TTN: variants seen among roughly 807,000 people sequenced by gnomAD.
The protein encoded by TTN is connectin.
A neutral mutation model predicts 3,223.0 loss-of-function variants in TTN; 1,525 were observed. The ratio of observed to expected loss-of-function variants is 0.47; its 90% CI spans 0.45 to 0.49. TTN has a LOEUF of 0.49. Among genes scored for constraint, TTN ranks in the 20% least tolerant of loss-of-function variants. The pLI is 0.00. For missense variants in TTN, 40,786 were observed against 43,424.0 expected, an observed-to-expected ratio of 0.94 and a Z score of 5.40; for synonymous variants, 14,094 against 15,161.0, an observed-to-expected ratio of 0.93 and a Z score of 5.17.
In TTN at chr2:178,757,616, C is replaced by G; in HGVS notation, c.10604G>C (p.Gly3535Ala). Residue 3535 changes from glycine (G) to alanine (A), a missense_variant, in exon 45 of 363, where the codon GGG (glycine) becomes GCG (alanine). Transcript: ENST00000589042. ...ATTGGCTGCTTTGCAAGAGTACTGC[C>G]CAGCATGCTCTGAGTAAGCATCAAC... is the stretch of plus-strand genomic sequence containing the variant. ...LIVDAYSEHA[G>A]QYSCKAANSA... 1 of 1,613,244 alleles carries G rather than the reference C, an allele frequency of 6.2e-7. No homozygotes were observed. The highest frequency in any genetic ancestry group is 1.1e-5 in the South Asian group (1 of 90,984).
At chr2:178,772,984 T>A (rs1574607622) in intron 33 of TTN, 125 bp downstream of exon 33, 3 of 1,282,686 alleles carry the variant, frequency 2.3e-6, no homozygotes, top group Non-Finnish European at 3.3e-6. Context: ...TACTATTGGC[T>A]TTGGGAACAG....
Position 178,773,840 on chromosome 2 carries a change from T to G in TTN, c.7328A>C (p.Tyr2443Ser). 1 of 1,614,092 alleles carries G rather than the reference T, an allele frequency of 6.2e-7. No homozygotes were observed. The highest frequency in any genetic ancestry group is 8.5e-7 in the Non-Finnish European group (1 of 1,179,992). ...AAAATTTTATAATTAGGACTCACTA[T>G]AGACAGAGACACGCCCACTGGTGGA... is the stretch of plus-strand genomic sequence containing the variant. The part of the protein sequence containing the change: ...GLSTSGRVSV[Y>S]SVDVITPLKD... The change falls in exon 31 of 363, where the codon TAT becomes TCT. Residue 2443 changes from tyrosine to serine, a missense_variant and splice_region_variant. Transcript: ENST00000589042.
At chr2:178,681,210 C>A in intron 137 of TTN, 39 bp from the exon 138 acceptor site, 2 of 1,541,344 alleles carry the variant, frequency 1.3e-6, no homozygotes, top group Non-Finnish European at 1.8e-6. Context: ...TTAAAACCAA[C>A]TCCTTGAATA....
At chr2:178,611,325 A>G (rs531968901) in intron 269 of TTN, 47 bp downstream of exon 269, 1 of 1,610,606 alleles carries the variant, frequency 6.2e-7, no homozygotes, top group Admixed American at 1.7e-5. Context: ...AATGCAATGC[A>G]TGAATAAAGG....
chr2:178,801,684 T>C (rs1272564472), intron 3 of TTN, among the ~76,000 whole-genome samples: 1 of 152,172 alleles, frequency 6.6e-6, no homozygotes, highest in Non-Finnish European at 1.5e-5. Context: ...AAACAAGCAT[T>C]TATTTTCTTC....
Position 178,741,504 on chromosome 2 carries a change from T to C in TTN, c.11729A>G (p.Asn3910Ser). 1 of 1,613,898 alleles carries C rather than the reference T, an allele frequency of 6.2e-7. No individual in the cohort carries two copies. Among genetic ancestry groups the C allele is most frequent in the Non-Finnish European group, 8.5e-7 (1 of 1,179,818 alleles). ...KTICSAYLKI[N>S]SKGEGHKDTE... ...GTCTTTGTGACCCTCTCCTTTGGAA[T>C]TAATTTTTAGATAGGCACTACATAT... is the stretch of plus-strand genomic sequence containing the variant. The change falls in exon 48 of 363, where the codon AAT becomes AGT. Residue 3910 changes from asparagine to serine, a missense_variant. Asn to Ser is a conservative substitution (Grantham distance 46). Transcript: ENST00000589042.
intron 349 of TTN, 24 bp from the exon 350 acceptor site, chr2:178,541,608 C>T (rs1438725204): frequency 6.4e-6 from 10 of 1,574,438 alleles, no homozygotes; most frequent in East Asian, 2.3e-5. Context: ...GAGGTTAACA[C>T]GATATGGCAA....
rs1429923693 is a variant in TTN, at chr2:178,715,000, G to A, written c.26186C>T (p.Ser8729Phe). The A allele has an allele frequency of 6.2e-7, 1 of 1,610,004 alleles. No homozygotes were observed. The highest frequency in any genetic ancestry group is 1.1e-5 in the South Asian group (1 of 90,260). Residue 8729 changes from serine (S) to phenylalanine (F), a missense_variant, in exon 90 of 363, where the codon TCC (serine) becomes TTC (phenylalanine). Transcript: ENST00000589042. ...NDVGSDTCVG[S>F]IALKAPPRFV... ...GTCCATCTAACCTTTGAGAGCGATG[G>A]AACCAACGCAAGTGTCGCTTCCCAC...
At chr2:178,628,475 T>TAAGAATTCAAAAAA (rs2059362911) in intron 240 of TTN, among the ~76,000 whole-genome samples, 1 of 152,090 alleles carries the variant, frequency 6.6e-6, no homozygotes, top group East Asian at 1.9e-4. Context: ...AATTCAAAAT[T>TAAGAATTCAAAAAA]AATGATGGAT....
intron 349 of TTN, 76 bp from the exon 350 acceptor site, chr2:178,541,660 C>A (rs1694582743): frequency 2.0e-5 from 27 of 1,365,398 alleles, no homozygotes; most frequent in Non-Finnish European, 2.2e-5. Flanking sequence ...TTGTGTTTTC[C>A]TTAGGTTTTG....
intron 81 of TTN, 24 bp from the exon 82 acceptor site, chr2:178,719,856 T>A (rs375726448): frequency 7.6e-6 from 12 of 1,586,928 alleles, no homozygotes; most frequent in Middle Eastern, 1.7e-4. Flanking sequence ...TATTTTGCAT[T>A]GAAAACAAAG....
In TTN at chr2:178,554,935, A is replaced by G. The variant is rs1700798012; in HGVS notation, c.88524T>C (p.Ser29508=). Residue 29508 remains serine, a synonymous_variant, in exon 331 of 363, where the codon AGT becomes AGC. Transcript: ENST00000589042. ...ILIKDADRLN[S]GCYELKLRNA... is the part of the protein sequence containing the mutation. ...TCCTTAGTTTTAATTCATAGCATCC[A>G]CTATTAAGGCGATCGGCATCTTTGA... 1.9e-6 allele frequency: 3 copies of G among 1,613,828 alleles called. No individual in the cohort carries two copies. Among genetic ancestry groups the G allele is most frequent in the Non-Finnish European group, 2.5e-6 (3 of 1,179,820 alleles).
rs1560763939 is a variant in TTN at position 178,728,745 on chromosome 2, AC to A, written c.19180del (p.Val6394LeufsTer9). The A allele has an allele frequency of 6.2e-7, 1 of 1,606,380 alleles. No individual in the cohort carries two copies. Among genetic ancestry groups the A allele is most frequent in the African/African-American group, 1.3e-5 (1 of 74,940 alleles). On this transcript the variant is annotated frameshift_variant, in exon 66 of 363. Transcript: ENST00000589042. LOFTEE classifies it high-confidence loss of function. The part of the protein sequence containing the change: ...PAQIVEKAKS[V>X]DVTEKDPMTL... ...CATGGGATCTTTCTCCGTAACATCA[AC>A]TGATTTAGCTTTCTCTACGATTTGA... is the stretch of plus-strand genomic sequence containing the variant.
rs560889721 is a variant in TTN, at chr2:178,610,148, C to T, written c.51378G>A (p.Lys17126=). The T allele has an allele frequency of 1.9e-5, 31 of 1,612,978 alleles. No individual in the cohort carries two copies. In the East Asian group the frequency reaches 6.0e-4, roughly 31 times the overall value. The change falls in exon 271 of 363, where the codon AAG becomes AAA. Residue 17126 remains lysine, a synonymous_variant. Transcript: ENST00000589042. ...GTTCAATATATTCTCCTCCACCAAC[C>T]TTGTTGACTGCTTTAACACGGAAGA... ...EYFFRVKAVN[K]VGGGEYIELK...
At position 178,673,666 on chromosome 2, in the gene TTN, C is replaced by G. The variant is rs780132207; in HGVS notation, c.34753G>C (p.Val11585Leu). 8 of 1,592,570 alleles carry G rather than the reference C, an allele frequency of 5.0e-6. No individual in the cohort carries two copies. Among genetic ancestry groups the G allele is most frequent in the Non-Finnish European group, 6.8e-6 (8 of 1,171,686 alleles). Residue 11585 changes from valine (V) to leucine (L), a missense_variant, in exon 152 of 363, where the codon GTT becomes CTT. By Grantham distance (32) the Val-to-Leu change is conservative. Transcript: ENST00000589042. ...KKAVPEAPTP[V>L]PKKVEAPPAK... ...GGTGGTGCCTCCACTTTTTTAGGAA[C>G]AGGAGTAGGTGCTTCAGGTACTGCT...
Position 178,537,113 on chromosome 2 carries a change from C to T in TTN, c.99996G>A (p.Glu33332=), listed in dbSNP as rs754693509. Residue 33332 remains glutamate (E), a synonymous_variant, in exon 356 of 363, where the codon GAG becomes GAA. Transcript: ENST00000589042. The stretch of plus-strand genomic sequence containing the variant: ...ATTGCCATTCAGCCCCCTCCTTGGC[C>T]TCACATTTTTCCACCACATAGTTGG... ...WITNYVVEKC[E]AKEGAEWQLV... 1.2e-5 allele frequency: 19 copies of T among 1,613,208 alleles called. No individual in the cohort carries two copies. The highest frequency in any genetic ancestry group is 1.5e-5 in the Non-Finnish European group (18 of 1,179,628).
rs554273877 is a variant in TTN at position 178,531,883 on chromosome 2, T to C, written c.104732A>G (p.Tyr34911Cys). ...TTTTAAAGCAGCTTTCATGGACTCA[T>C]ACCTGGAAAAGATATCAAATCTTGC... ...RSARFDIFSRYESMKAALKTQ... is the reference protein window; with the variant it reads ...RSARFDIFSRCESMKAALKTQ... Residue 34911 changes from tyrosine (Y) to cysteine (C), a missense_variant, in exon 358 of 363, where the codon TAT becomes TGT. Transcript: ENST00000589042. 1 of 1,613,018 alleles carries C rather than the reference T, an allele frequency of 6.2e-7. No homozygotes were observed. Among genetic ancestry groups the C allele is most frequent in the African/African-American group, 1.3e-5 (1 of 75,046 alleles).
At position 178,535,610 on chromosome 2, in the gene TTN, C is replaced by T. The variant is rs1331642312; in HGVS notation, c.101005G>A (p.Val33669Ile). 5 of 1,613,832 alleles carry T rather than the reference C, an allele frequency of 3.1e-6. No individual in the cohort carries two copies. The highest frequency in any genetic ancestry group is 4.2e-6 in the Non-Finnish European group (5 of 1,179,794). ...VERKDAGFYV[V>I]CAKNRFGIDQ... is the part of the protein sequence containing the mutation. ...ATTCCAAATCTGTTTTTAGCACAGACCACATAGAAACCAGCATCTTTTCTC... is the reference window on the plus strand; with the variant it reads ...ATTCCAAATCTGTTTTTAGCACAGATCACATAGAAACCAGCATCTTTTCTC... The change falls in exon 358 of 363, where the codon GTC (valine) becomes ATC (isoleucine). Residue 33669 changes from valine to isoleucine, a missense_variant. Transcript: ENST00000589042.
At position 178,567,152 on chromosome 2, in the gene TTN, C is replaced by T. The variant is rs370367786; in HGVS notation, c.78980G>A (p.Arg26327Gln). Residue 26327 changes from arginine to glutamine, a missense_variant, in exon 326 of 363, where the codon CGA becomes CAA. Arg to Gln is a conservative substitution (Grantham distance 43, BLOSUM62 1). Transcript: ENST00000589042. ...AGTCCAGGCAAGTCGACTGGTTTCT[C>T]GCTTTTCAACAACATAGTGAGAAAT... The part of the protein sequence containing the change: ...SDISHYVVEK[R>Q]ETSRLAWTVV... 5.2e-5 allele frequency: 84 copies of T among 1,613,376 alleles called. No individual in the cohort carries two copies. The highest frequency in any genetic ancestry group is 9.3e-5 in the African/African-American group (7 of 74,872).
Sources: allele counts gnomAD v4.1 joint callset (sites outside exome capture counted in the v4.1 genomes callset), GRCh38; gene constraint gnomAD v4.1.1; transcripts MANE v1.5; gene names NCBI Gene and HGNC (gene_info 2026-07-23, HGNC 2026-07-21).